The following AP3M2 variants were observed in gnomAD, a reference collection of about 807,000 sequenced individuals.
AP3M2 encodes the protein adaptor related protein complex 3 subunit mu 2, also known as AP-3 complex subunit mu-2.
AP3M2 carries 28 observed loss-of-function variants against 41.6 expected under a neutral mutation model. The observed-to-expected ratio is 0.67, with a 90% CI of 0.50 to 0.92. The LOEUF (loss-of-function observed/expected upper bound fraction) is 0.92. Among genes scored for constraint, AP3M2 ranks in the 40% least tolerant of loss-of-function variants. The pLI, the probability that AP3M2 is intolerant of heterozygous loss-of-function variation, is 0.00. For missense variants in AP3M2, 427 were observed against 521.4 expected (o/e 0.82, Z 1.76); for synonymous variants, 193 against 186.4 (o/e 1.04, Z -0.29).
intron 2 of AP3M2, chr8:42,155,990 T>C (rs1401168990): frequency 6.6e-6 from 3 of 456,186 alleles, no homozygotes; most frequent in Non-Finnish European, 1.3e-5. Context: ...ACTACTGTTC[T>C]GGAATTTCAG....
In AP3M2 at chr8:42,158,057, T is replaced by G; in HGVS notation, c.390T>G (p.Leu130=). Residue 130 remains leucine (L), a synonymous_variant, in exon 3 of 9, where the codon CTT becomes CTG. Transcript: ENST00000396926. ...GFPLATESNI[L]KELIKPPTIL... The stretch of plus-strand genomic sequence containing the variant: ...CATTGGCTACCGAGTCGAACATTCT[T>G]AAAGAACTCATAAAGCCTCCTACCA... The G allele has an allele frequency of 6.2e-7, 1 of 1,614,102 alleles. No homozygotes were observed. The highest frequency in any genetic ancestry group is 1.7e-5 in the Admixed American group (1 of 60,014).
intron 3 of AP3M2, among the ~76,000 whole-genome samples, chr8:42,159,032 TG>T (rs1349598967): frequency 6.6e-6 from 1 of 152,010 alleles, no homozygotes; most frequent in Non-Finnish European, 1.5e-5. Context: ...TGACCTCAAG[TG>T]ATCCACCCAC....
At chr8:42,167,921 C>A in intron 8 of AP3M2, 111 bp downstream of exon 8, 1 of 1,293,334 alleles carries the variant, frequency 7.7e-7, no homozygotes, top group South Asian at 1.5e-5. Context: ...GGTTTAGTTT[C>A]ATTACCTGAT....
At position 42,157,978 on chromosome 8, in the gene AP3M2, A is replaced by G; in HGVS notation, c.311A>G (p.Asp104Gly). ...FGVCSEPVIK[D>G]NVVVVYEVLE... ...GTCTGTTCAGAGCCAGTGATCAAAG[A>G]CAATGTAGTTGTGGTTTATGAGGTA... Residue 104 changes from aspartate (D) to glycine (G), a missense_variant, in exon 3 of 9, where the codon GAC (aspartate) becomes GGC (glycine). Physicochemically the swap from Asp to Gly is moderately conservative, Grantham distance 94 (BLOSUM62 -1). This residue lies in a region of AP3M2 where 86 missense variants were observed against 142.6 expected (regional missense o/e 0.60). Transcript: ENST00000396926. The G allele has an allele frequency of 6.2e-7, 1 of 1,614,190 alleles. No homozygotes were observed. Among genetic ancestry groups the G allele is most frequent in the Non-Finnish European group, 8.5e-7 (1 of 1,180,020 alleles).
At chr8:42,167,604 G>C in intron 7 of AP3M2, 62 bp from the exon 8 acceptor site, 1 of 1,563,510 alleles carries the variant, frequency 6.4e-7, no homozygotes, top group Non-Finnish European at 8.6e-7. Context: ...CACCTCAAAT[G>C]CAGGATTCTG....
intron 8 of AP3M2, chr8:42,168,096 G>A (rs935242265): frequency 1.2e-5 from 7 of 561,022 alleles, no homozygotes; most frequent in African/African-American, 9.3e-5. Flanking sequence ...GATCATCTTA[G>A]GGTTGTTCAT....
At chr8:42,168,905 A>G in intron 8 of AP3M2, 56 bp from the exon 9 acceptor site, 2 of 1,359,170 alleles carry the variant, frequency 1.5e-6, no homozygotes, top group Non-Finnish European at 2.0e-6. Flanking sequence ...CAGTTAGGCG[A>G]CCTGCTCCTT....
intron 3 of AP3M2, 111 bp downstream of exon 3, chr8:42,158,223 A>G: frequency 2.7e-6 from 3 of 1,106,190 alleles, no homozygotes; most frequent in Non-Finnish European, 3.8e-6. Flanking sequence ...CAGGTGTCCC[A>G]GTGCTTTAAT....
intron 2 of AP3M2, 64 bp from the exon 3 acceptor site, chr8:42,157,877 C>G (rs921781605): frequency 4.0e-6 from 6 of 1,484,136 alleles, no homozygotes; most frequent in African/African-American, 1.4e-5. Context: ...TAGGCACATT[C>G]TTTTATTTAT....
intron 3 of AP3M2, among the ~76,000 whole-genome samples, 197 bp downstream of exon 3, chr8:42,158,309 C>A (rs965494946): frequency 6.7e-6 from 1 of 148,730 alleles, no homozygotes; most frequent in Admixed American, 6.7e-5. Context: ...AGTGCAGTGG[C>A]GTGATCTTGG....
At chr8:42,158,246 A>ATT in intron 3 of AP3M2, 134 bp downstream of exon 3, 1 of 641,398 alleles carries the variant, frequency 1.6e-6, no homozygotes, top group Non-Finnish European at 2.3e-6. Flanking sequence ...TGCTCTTTGT[A>ATT]GTTGTTTTTT....
chr8:42,170,189 C>A lies in AP3M2; in HGVS notation c.*1128C>A, dbSNP rs762245025. 5 of 152,210 alleles carry A rather than the reference C, an allele frequency of 3.3e-5. No homozygotes were observed. The highest frequency in any genetic ancestry group is 7.2e-5 in the African/African-American group (3 of 41,444). The allele number at this position is 152,210 out of a possible 1,614,324, so 9.4% of individuals were successfully genotyped here. ...CCTAGAAAAAGAGAAAGCTTACCAT[C>A]GAGGGTGTGGTTGATCCTTGAAGCT... On this transcript the variant is annotated 3_prime_UTR_variant, in exon 9 of 9. Transcript: ENST00000396926.
chr8:42,168,077 C>A, intron 8 of AP3M2: 1 of 564,086 alleles, frequency 1.8e-6, no homozygotes, highest in Non-Finnish European at 3.2e-6. Context: ...TATTCACTAG[C>A]CATTTTTGGA....
chr8:42,157,396 T>C (rs932702999), intron 2 of AP3M2, among the ~76,000 whole-genome samples: 1 of 152,218 alleles, frequency 6.6e-6, no homozygotes, highest in African/African-American at 2.4e-5. Context: ...CACCTAACGT[T>C]AGCCTTTTAA....
chr8:42,167,192 C>CAT lies in AP3M2; in HGVS notation c.834_835dup (p.Asn279IlefsTer16). 1.4e-5 allele frequency: 23 copies of CAT among 1,614,132 alleles called. No homozygotes were observed. The highest frequency in any genetic ancestry group is 1.9e-5 in the Non-Finnish European group (22 of 1,180,030). On this transcript the variant is annotated frameshift_variant, in exon 7 of 9. Coordinates refer to ENST00000396926, the MANE Select transcript of AP3M2 (RefSeq NM_006803.4). LOFTEE classifies it high-confidence loss of function. ...GGTTGCAATCCCAGTGTATGTCAAA[C>CAT]ATAACATCAGTTTCCGGGACAGTAG...
chr8:42,157,831 C>T (rs1432405748), intron 2 of AP3M2, 110 bp from the exon 3 acceptor site: 17 of 1,068,214 alleles, frequency 1.6e-5, no homozygotes, highest in East Asian at 2.6e-5. Context: ...AAGAGTAGCC[C>T]AGAAACACAT....
chr8:42,156,625 A>G (rs1231195328), intron 2 of AP3M2, among the ~76,000 whole-genome samples: 1 of 152,234 alleles, frequency 6.6e-6, no homozygotes, highest in Non-Finnish European at 1.5e-5. Context: ...TTATCATTCA[A>G]AATGAGAATT....
intron 2 of AP3M2, chr8:42,155,896 C>G (rs1279663133): frequency 6.8e-6 from 3 of 440,892 alleles, no homozygotes; most frequent in African/African-American, 6.1e-5. Flanking sequence ...CTCTTGTACT[C>G]ATATCTGCAC....
chr8:42,164,000 C>T (rs944179099), intron 4 of AP3M2, among the ~76,000 whole-genome samples: 6 of 152,076 alleles, frequency 3.9e-5, no homozygotes, highest in African/African-American at 1.2e-4. Context: ...TAGTTTAGAG[C>T]GATGAGTCTG....
Sources: gnomAD v4.1 joint callset for allele counts (sites outside exome capture counted in the v4.1 genomes callset) on GRCh38, gnomAD v4.1.1 for gene constraint, gnomAD v4.1.1 regional missense constraint, MANE v1.5 for transcripts, NCBI Gene and HGNC (gene_info 2026-07-23, HGNC 2026-07-21) for gene names.